The following MALRD1 variants were observed in gnomAD, a reference collection of about 807,000 sequenced individuals.
MALRD1 encodes MAM and LDL receptor class A domain containing 1.
Under a neutral mutation model 242.1 loss-of-function variants are expected in MALRD1, and 247 were observed. That is an observed-to-expected ratio of 1.02 (90% CI 0.92 to 1.13). The LOEUF (loss-of-function observed/expected upper bound fraction) is 1.13. Among genes scored for constraint, MALRD1 ranks in the 50% most tolerant of loss-of-function variants. MALRD1 has a pLI of 0.00. For synonymous variants in MALRD1, 995 were observed against 866.6 expected, an observed-to-expected ratio of 1.15 and a Z score of -2.60; for missense variants, 2,989 against 2,533.1, an observed-to-expected ratio of 1.18 and a Z score of -3.86.
chr10:19,670,093 A>AAC (rs763927834), intron 36 of MALRD1, among the ~76,000 whole-genome samples: 45 of 115,174 alleles, frequency 3.9e-4, no homozygotes, highest in South Asian at 1.6e-3. Flanking sequence ...CACACACACA[A>AAC]ACACACACAC....
rs1844423936 is a variant in MALRD1, at chr10:19,352,321, T to A, written c.4441+24T>A. 2.0e-6 allele frequency: 3 copies of A among 1,530,664 alleles called. No individual in the cohort carries two copies. The South Asian group carries it at 3.6e-5, about 18-fold the overall frequency. The allele number at this position is 1,530,664 out of a possible 1,614,324, so 94.8% of individuals were successfully genotyped here. A position where few individuals can be genotyped will look rare whatever the true frequency, so the allele number is the denominator to read the frequency against. Reference sequence around the variant, plus strand: ...AGGTACATTCTAATCTGTGTGTGTGTGTGGTATTTTTGCATGGTGAAAGGT... The same window carrying A: ...AGGTACATTCTAATCTGTGTGTGTGAGTGGTATTTTTGCATGGTGAAAGGT... On this transcript the variant is annotated intron_variant, in intron 26 of 39. Coordinates refer to ENST00000454679, the MANE Select transcript of MALRD1 (RefSeq NM_001142308.3).
intron 21 of MALRD1, among the ~76,000 whole-genome samples, chr10:19,287,903 A>G (rs1461568793): frequency 6.6e-6 from 1 of 152,204 alleles, no homozygotes; most frequent in Admixed American, 6.5e-5. Flanking sequence ...TGGAATTATT[A>G]ATTTTACCTT....
chr10:19,264,732 C>A (rs1839905560), intron 19 of MALRD1, among the ~76,000 whole-genome samples: 1 of 152,134 alleles, frequency 6.6e-6, no homozygotes, highest in Admixed American at 6.5e-5. Context: ...GGATTACAGG[C>A]GTGAGCCACC....
At chr10:19,545,966 C>T (rs1835190216) in intron 32 of MALRD1, among the ~76,000 whole-genome samples, 1 of 152,040 alleles carries the variant, frequency 6.6e-6, no homozygotes, top group Non-Finnish European at 1.5e-5. Flanking sequence ...TGAATGCTTC[C>T]CCCTTTCATA....
chr10:19,547,824 T>A (rs1171690296), intron 32 of MALRD1, among the ~76,000 whole-genome samples: 374 of 35,516 alleles, frequency 0.011, no homozygotes, highest in East Asian at 0.022. Context: ...ATATATTTTT[T>A]TTTTTTTTTT....
chr10:19,717,867 A>C (rs1020330741), intron 38 of MALRD1, among the ~76,000 whole-genome samples: 7 of 152,054 alleles, frequency 4.6e-5, no homozygotes, highest in African/African-American at 1.7e-4. Flanking sequence ...AAATACAAAA[A>C]TTAGTCAGGC....
At chr10:19,108,102 T>G (rs547882987) in intron 5 of MALRD1, among the ~76,000 whole-genome samples, 24 of 152,316 alleles carry the variant, frequency 1.6e-4, no homozygotes, top group African/African-American at 5.5e-4. Context: ...TCTTCATCTT[T>G]TCTCCCTCTG....
chr10:19,316,600 T>C (rs1431354702), intron 21 of MALRD1, among the ~76,000 whole-genome samples: 1 of 151,938 alleles, frequency 6.6e-6, no homozygotes, highest in Non-Finnish European at 1.5e-5. Flanking sequence ...ACAATGGGGT[T>C]GGTAGTGGGA....
chr10:19,658,337 T>C (rs1240125992), intron 36 of MALRD1, among the ~76,000 whole-genome samples: 1 of 152,172 alleles, frequency 6.6e-6, no homozygotes, highest in African/African-American at 2.4e-5. Context: ...GGGTGATTCA[T>C]AGGGCTATTC....
At chr10:19,693,304 A>G (rs1051359520) in intron 38 of MALRD1, among the ~76,000 whole-genome samples, 3 of 152,008 alleles carry the variant, frequency 2.0e-5, no homozygotes, top group Admixed American at 2.0e-4. Context: ...TGCAGACGAC[A>G]TGATTGTATA....
intron 26 of MALRD1, among the ~76,000 whole-genome samples, chr10:19,380,959 G>T (rs1389935081): frequency 6.6e-6 from 1 of 150,824 alleles, no homozygotes; most frequent in Non-Finnish European, 1.5e-5. Context: ...TGCACAATGT[G>T]CAGGTTAGTT....
At chr10:19,253,354 T>C (rs978661955) in intron 18 of MALRD1, among the ~76,000 whole-genome samples, 1 of 152,004 alleles carries the variant, frequency 6.6e-6, no homozygotes, top group African/African-American at 2.4e-5. Flanking sequence ...ATAGACACAT[T>C]GATGACTTAT....
rs1266166440 is a variant in MALRD1, at chr10:19,247,832, AAAACT to A, written c.2992-9851_2992-9847del. ...TAACAGCATTAATTTTGTTAAAATA[AAAACT>A]TAACCGACGTTAAATTTAACATAAT... On this transcript the variant is annotated intron_variant, in intron 18 of 39. Transcript: ENST00000454679. Among the ~76,000 whole-genome samples, 83 of 152,184 alleles carry A rather than the reference AAAACT, an allele frequency of 5.5e-4. 2 individuals carry two copies. Among genetic ancestry groups the A allele is most frequent in the African/African-American group, 2.0e-3 (83 of 41,536 alleles).
At chr10:19,680,147 A>G (rs1008595254) in intron 36 of MALRD1, among the ~76,000 whole-genome samples, 2 of 152,182 alleles carry the variant, frequency 1.3e-5, no homozygotes, top group African/African-American at 4.8e-5. Context: ...ACAGATATCT[A>G]TCAGGTCCAG....
At chr10:19,150,289 G>A (rs74385425) in intron 11 of MALRD1, among the ~76,000 whole-genome samples, 2,092 of 151,948 alleles carry the variant, frequency 0.014, 47 homozygotes, top group African/African-American at 0.047. Flanking sequence ...GACTTTCTGC[G>A]ACCTTCGGGA....
At chr10:19,721,654 A>T (rs1400532091) in intron 38 of MALRD1, 1 of 152,248 alleles carries the variant, frequency 6.6e-6, no homozygotes, top group African/African-American at 2.4e-5. Flanking sequence ...AGAAATACAT[A>T]GGAAGACCAC....
intron 26 of MALRD1, among the ~76,000 whole-genome samples, chr10:19,356,498 G>A (rs1431718313): frequency 2.6e-5 from 4 of 151,882 alleles, no homozygotes; most frequent in South Asian, 2.1e-4. Context: ...ATTTTAATTC[G>A]ATCTACCCAA....
intron 36 of MALRD1, among the ~76,000 whole-genome samples, chr10:19,631,015 C>G (rs1262436374): frequency 6.6e-6 from 1 of 152,126 alleles, no homozygotes; most frequent in African/African-American, 2.4e-5. Context: ...ATTTTAGATT[C>G]AGAGGTACAT....
chr10:19,635,865 T>C (rs1840104822), intron 36 of MALRD1, among the ~76,000 whole-genome samples: 1 of 151,898 alleles, frequency 6.6e-6, no homozygotes, highest in African/African-American at 2.4e-5. Flanking sequence ...ACAAGGAAAA[T>C]AAAATATTTA....
Sources: allele counts gnomAD v4.1 joint callset (sites outside exome capture counted in the v4.1 genomes callset), GRCh38; gene constraint gnomAD v4.1.1; transcripts MANE v1.5; gene names NCBI Gene and HGNC (gene_info 2026-07-23, HGNC 2026-07-21).